The following KCNN2 variants were observed in gnomAD, a reference collection of about 807,000 sequenced individuals.
The protein encoded by KCNN2 is potassium calcium-activated channel subfamily N member 2, also known as small conductance calcium-activated potassium channel protein 2.
Under a neutral mutation model 55.5 loss-of-function variants are expected in KCNN2, and 24 were observed. That is an observed-to-expected ratio of 0.43 (90% CI 0.31 to 0.61). The LOEUF is 0.61. KCNN2 is among the 20% of genes least tolerant of loss of function. The pLI is 0.08. For missense variants in KCNN2, 754 were observed against 853.6 expected (o/e 0.88, Z 1.45); for synonymous variants, 431 against 336.1 (o/e 1.28, Z -3.09).
At chr5:114,168,152 A>T (rs1196530624) in intron 1 of KCNN2, among the ~76,000 whole-genome samples, 1 of 132,716 alleles carries the variant, frequency 7.5e-6, no homozygotes, top group Non-Finnish European at 1.6e-5. Flanking sequence ...TAGATATATA[A>T]TCATATATAT....
chr5:114,150,828 C>T (rs1201792361), intron 1 of KCNN2, among the ~76,000 whole-genome samples: 1 of 152,148 alleles, frequency 6.6e-6, no homozygotes, highest in Non-Finnish European at 1.5e-5. Context: ...TCAAGACCAG[C>T]CTGACCAACA....
intron 1 of KCNN2, among the ~76,000 whole-genome samples, chr5:114,093,482 C>G (rs1399935629): frequency 6.6e-6 from 1 of 152,152 alleles, no homozygotes; most frequent in African/African-American, 2.4e-5. Context: ...ATGTTTTTAA[C>G]AGTGCCCCAC....
chr5:114,299,476 A>G (rs900662426), intron 2 of KCNN2, among the ~76,000 whole-genome samples: 2 of 152,210 alleles, frequency 1.3e-5, no homozygotes, highest in Non-Finnish European at 2.9e-5. Flanking sequence ...TAAAGAGCTT[A>G]AACACAATTC....
chr5:114,194,213 T>C (rs757526179), intron 1 of KCNN2, among the ~76,000 whole-genome samples: 1 of 152,134 alleles, frequency 6.6e-6, no homozygotes, highest in African/African-American at 2.4e-5. Context: ...TGGCTTGATA[T>C]CTAGTGGTGA....
chr5:114,211,298 A>T (rs1018685324), intron 1 of KCNN2, among the ~76,000 whole-genome samples: 3 of 152,146 alleles, frequency 2.0e-5, no homozygotes, highest in Admixed American at 6.6e-5. Context: ...TAGCAAAGAC[A>T]TGGAACCAAC....
At chr5:114,182,643 G>A (rs936672659) in intron 1 of KCNN2, among the ~76,000 whole-genome samples, 2 of 151,962 alleles carry the variant, frequency 1.3e-5, no homozygotes, top group African/African-American at 4.8e-5. Context: ...ATTGTAAGTA[G>A]AACTATTTTT....
In KCNN2 at chr5:114,487,009, G is replaced by T. The variant is rs74429679; in HGVS notation, c.1891-41G>T. ...CCCCAGCAAAGTTACAAAGGATTCTGCTCTGGAATTTATCAACTGCTTTGT... is the reference window on the plus strand; with the variant it reads ...CCCCAGCAAAGTTACAAAGGATTCTTCTCTGGAATTTATCAACTGCTTTGT... On this transcript the variant is annotated intron_variant, in intron 5 of 7. Coordinates refer to ENST00000673685, the MANE Select transcript of KCNN2 (RefSeq NM_021614.4). 1,504 of 1,610,022 alleles carry T rather than the reference G, an allele frequency of 9.3e-4. 25 individuals are homozygous for T. The East Asian group carries it at 0.022, about 23-fold the overall frequency.
chr5:114,489,340 G>T lies in KCNN2; in HGVS notation c.2018+2163G>T, dbSNP rs550767939. 5.1e-4 allele frequency among the ~76,000 whole-genome samples: 78 copies of T among 152,224 alleles called. 1 individual carries two copies. Among genetic ancestry groups the T allele is most frequent in the African/African-American group, 1.8e-3 (75 of 41,550 alleles). ...GGGGAAGTTTAAAAACTGTCCCTAA[G>T]CAAGTTGCAAATGCACCCTACAAGG... On this transcript the variant is annotated intron_variant, in intron 6 of 7. Transcript: ENST00000673685.
chr5:114,403,063 G>A (rs1051724193), intron 2 of KCNN2, among the ~76,000 whole-genome samples: 5 of 152,146 alleles, frequency 3.3e-5, no homozygotes, highest in East Asian at 1.9e-4. Flanking sequence ...GCAGTATATC[G>A]GAGTGATACA....
chr5:114,466,425 A>G (rs1302060172), intron 4 of KCNN2, among the ~76,000 whole-genome samples: 3 of 152,170 alleles, frequency 2.0e-5, no homozygotes, highest in Middle Eastern at 6.8e-3. Context: ...ATTTTCCAAT[A>G]AAGTAATTGT....
intron 2 of KCNN2, among the ~76,000 whole-genome samples, chr5:114,274,095 G>C (rs563588588): frequency 3.3e-5 from 5 of 152,146 alleles, no homozygotes. Context: ...ATTAAATAGG[G>C]AATCATTCCC....
intron 1 of KCNN2, among the ~76,000 whole-genome samples, chr5:114,151,808 A>T (rs1197941658): frequency 6.6e-6 from 1 of 152,204 alleles, no homozygotes; most frequent in African/African-American, 2.4e-5. Context: ...CTAGAAAAAA[A>T]AAATCTCTCC....
At chr5:114,118,095 G>C (rs532112958) in intron 1 of KCNN2, among the ~76,000 whole-genome samples, 2 of 152,278 alleles carry the variant, frequency 1.3e-5, no homozygotes, top group Admixed American at 6.5e-5. Flanking sequence ...TAGCACAACT[G>C]TACAGCTACA....
chr5:114,172,554 C>A (rs558138520), intron 1 of KCNN2, among the ~76,000 whole-genome samples: 1 of 150,098 alleles, frequency 6.7e-6, no homozygotes, highest in Non-Finnish European at 1.5e-5. Context: ...ATCATGGAAG[C>A]TTTCAAGTGG....
chr5:114,242,219 T>A (rs1340937512), intron 2 of KCNN2, among the ~76,000 whole-genome samples: 5 of 152,064 alleles, frequency 3.3e-5, no homozygotes, highest in Non-Finnish European at 5.9e-5. Flanking sequence ...TATGCAAACA[T>A]CCTTGTAAAG....
intron 2 of KCNN2, among the ~76,000 whole-genome samples, chr5:114,292,755 G>C (rs1755922826): frequency 2.0e-5 from 3 of 152,262 alleles, no homozygotes; most frequent in Admixed American, 2.0e-4. Context: ...TGATGGGGAT[G>C]GCATTGAATC....
At chr5:114,152,158 A>T (rs376892069) in intron 1 of KCNN2, among the ~76,000 whole-genome samples, 3 of 150,510 alleles carry the variant, frequency 2.0e-5, no homozygotes, top group Non-Finnish European at 3.0e-5. Flanking sequence ...TCCAATTACC[A>T]TTTTTTTTTG....
At chr5:114,406,474 A>G (rs1163755423) in intron 3 of KCNN2, among the ~76,000 whole-genome samples, 1 of 151,892 alleles carries the variant, frequency 6.6e-6, no homozygotes, top group Non-Finnish European at 1.5e-5. Context: ...TTATTACTGT[A>G]TAAACTGCAT....
chr5:114,252,861 G>A (rs763966768), intron 2 of KCNN2, among the ~76,000 whole-genome samples: 5 of 152,016 alleles, frequency 3.3e-5, no homozygotes, highest in Non-Finnish European at 7.4e-5. Context: ...GACGAGGACT[G>A]AAAAGAGAAA....
Sources: allele counts gnomAD v4.1 joint callset (sites outside exome capture counted in the v4.1 genomes callset), GRCh38; gene constraint gnomAD v4.1.1; transcripts MANE v1.5; gene names NCBI Gene and HGNC (gene_info 2026-07-23, HGNC 2026-07-21).